Variants in ANKRD26 observed in about 807,000 individuals in gnomAD.
ANKRD26 encodes ankyrin repeat domain-containing protein 26.
ANKRD26 carries 141 observed loss-of-function variants against 208.7 expected under a neutral mutation model. The ratio of observed to expected loss-of-function variants is 0.68; its 90% CI spans 0.59 to 0.78. The LOEUF (loss-of-function observed/expected upper bound fraction) is 0.78, where lower values mean the gene tolerates loss of function less well. Among genes scored for constraint, ANKRD26 ranks in the 30% least tolerant of loss-of-function variants. The probability of loss-of-function intolerance (pLI) is 0.00; values close to 1 mark genes in which losing one functional copy is unlikely to be tolerated. For missense variants in ANKRD26, 1,889 were observed against 1,938.7 expected, an observed-to-expected ratio of 0.97 and a Z score of 0.48; for synonymous variants, 636 against 660.4, an observed-to-expected ratio of 0.96 and a Z score of 0.57.
At chr10:27,010,741 C>G (rs1481313357) in intron 32 of ANKRD26, among the ~76,000 whole-genome samples, 1 of 152,138 alleles carries the variant, frequency 6.6e-6, no homozygotes, top group Non-Finnish European at 1.5e-5. Context: ...CTCCTGAGCT[C>G]AGGTGATCTT....
At position 27,050,870 on chromosome 10, in the gene ANKRD26, G is replaced by A. The variant is rs534164674; in HGVS notation, c.1636-1891C>T. On this transcript the variant is annotated intron_variant, in intron 16 of 33. Transcript: ENST00000376087. Reference sequence around the variant, plus strand: ...TGATAGACTTCTTAGGTTGATTAAGGAACAAAGATTTTGAGAATGTTTTCC... The same window carrying A: ...TGATAGACTTCTTAGGTTGATTAAGAAACAAAGATTTTGAGAATGTTTTCC... Among the ~76,000 whole-genome samples the A allele has an allele frequency of 7.9e-5, 12 of 152,202 alleles. No individual in the cohort carries two copies. In the East Asian group the frequency reaches 2.1e-3, roughly 27 times the overall value.
In ANKRD26 at chr10:27,008,009, A is replaced by G. The variant is rs374310725; in HGVS notation, c.4954-1047T>C. ...TGTAATTTTGATTTCAGAAATTAGT[A>G]CCAATTTTTTAAATATCTAATTATA... On this transcript the variant is annotated intron_variant, in intron 32 of 33. Transcript: ENST00000376087. Among the ~76,000 whole-genome samples the G allele has an allele frequency of 8.6e-5, 13 of 152,020 alleles. No homozygotes were observed. The East Asian group carries it at 1.9e-3, about 22-fold the overall frequency.
In ANKRD26 at chr10:27,016,760, A is replaced by C. The variant is rs190756390; in HGVS notation, c.4506+742T>G. ...CAAACTGTTAAAATGGTTGTGTTTA[A>C]TTATTTGTAAATTATCCCTTAATAA... On this transcript the variant is annotated intron_variant, in intron 30 of 33. Coordinates refer to ENST00000376087, the MANE Select transcript of ANKRD26 (RefSeq NM_014915.3). 2.9e-3 allele frequency among the ~76,000 whole-genome samples: 437 copies of C among 152,204 alleles called. 2 individuals carry two copies. Among genetic ancestry groups the C allele is most frequent in the African/African-American group, 9.8e-3 (405 of 41,520 alleles).
At chr10:26,977,934 AAAC>A (rs976743528) in intron 5 of ANKRD26, among the ~76,000 whole-genome samples, 12 of 152,102 alleles carry the variant, frequency 7.9e-5, no homozygotes, top group Non-Finnish European at 1.2e-4. Context: ...AAAACAAAAC[AAAC>A]AACAACAACA....
chr10:27,063,037 C>T (rs1048906968), intron 12 of ANKRD26, among the ~76,000 whole-genome samples: 1 of 152,078 alleles, frequency 6.6e-6, no homozygotes, highest in Non-Finnish European at 1.5e-5. Flanking sequence ...GGATTACAGG[C>T]GTGAGCCACC....
chr10:27,037,254 C>A lies in ANKRD26; in HGVS notation c.2629G>T (p.Gly877Ter). The A allele has an allele frequency of 6.2e-7, 1 of 1,613,746 alleles. No individual in the cohort carries two copies. Among genetic ancestry groups the A allele is most frequent in the Non-Finnish European group, 8.5e-7 (1 of 1,179,784 alleles). The part of the protein sequence containing the change: ...REQNARMLQD[G>*]ILTNHLSKQK... Reference sequence around the variant, plus strand: ...TTGGAAAGGTGATTGGTCAGAATTCCATCTTGTAACATTCTGGCATTCTGT... The same window carrying A: ...TTGGAAAGGTGATTGGTCAGAATTCAATCTTGTAACATTCTGGCATTCTGT... The change falls in exon 23 of 34, where the codon GGA (glycine) becomes TGA (stop). Residue 877 changes from glycine to a stop codon, truncating the protein, a stop_gained. Coordinates refer to ENST00000376087, the MANE Select transcript of ANKRD26 (RefSeq NM_014915.3). LOFTEE classifies it high-confidence loss of function.
intron 5 of ANKRD26, among the ~76,000 whole-genome samples, chr10:26,994,678 G>A (rs2052552082): frequency 6.6e-6 from 1 of 152,222 alleles, no homozygotes; most frequent in African/African-American, 2.4e-5. Flanking sequence ...CCAATTTAGA[G>A]TGACCTGGGA....
chr10:27,057,094 T>C lies in ANKRD26; in HGVS notation c.1564+3251A>G, dbSNP rs57474151. Among the ~76,000 whole-genome samples the C allele has an allele frequency of 3.1e-3, 471 of 152,340 alleles. 4 individuals carry two copies. The highest frequency in any genetic ancestry group is 0.011 in the African/African-American group (446 of 41,576). On this transcript the variant is annotated intron_variant, in intron 15 of 33. Transcript: ENST00000376087. ...CAAGTCTTATTACTGAGGGTCAAAC[T>C]AGTAGAGTCCCAATCTGAAAACTCT...
rs934935005 is a variant in ANKRD26 at position 27,017,745 on chromosome 10, T to C, written c.4263A>G (p.Leu1421=). Residue 1421 remains leucine, a synonymous_variant, in exon 30 of 34, where the codon CTA becomes CTG. Coordinates refer to ENST00000376087, the MANE Select transcript of ANKRD26 (RefSeq NM_014915.3). Reference sequence around the variant, plus strand: ...GAATTTGGTTCTTTGTATCCAGATGTAGACATTTTGAACCTGCAGTCTCCA... The same window carrying C: ...GAATTTGGTTCTTTGTATCCAGATGCAGACATTTTGAACCTGCAGTCTCCA... ...AELETAGSKC[L]HLDTKNQILQ... is the part of the protein sequence containing the mutation. 6.2e-7 allele frequency: 1 copy of C among 1,613,302 alleles called. No homozygotes were observed. Among genetic ancestry groups the C allele is most frequent in the South Asian group, 1.1e-5 (1 of 90,976 alleles).
At chr10:26,952,793 T>C in the ANKRD26 span, among the ~76,000 whole-genome samples, 1 of 152,230 alleles carries the variant, frequency 6.6e-6, no homozygotes, top group Non-Finnish European at 1.5e-5. Context: ...AGTAGTTCTT[T>C]TGACCCAACT....
chr10:27,078,811 A>G (rs1386938704), intron 7 of ANKRD26, among the ~76,000 whole-genome samples: 2 of 151,934 alleles, frequency 1.3e-5, no homozygotes, highest in South Asian at 2.1e-4. Context: ...AACTTTTCCC[A>G]ATATAATTTT....
intron 5 of ANKRD26, among the ~76,000 whole-genome samples, chr10:27,083,865 T>C (rs1252800027): frequency 6.6e-6 from 1 of 152,214 alleles, no homozygotes; most frequent in Non-Finnish European, 1.5e-5. Context: ...ACTTACATAT[T>C]ATTTATGACT....
chr10:26,972,188 T>C (rs1036783466), downstream of ANKRD26, among the ~76,000 whole-genome samples: 5 of 147,774 alleles, frequency 3.4e-5, no homozygotes, highest in African/African-American at 7.6e-5. Flanking sequence ...TGAGCCGAGA[T>C]CGTGCCACTG....
the ANKRD26 span, among the ~76,000 whole-genome samples, chr10:26,955,723 G>A: frequency 6.6e-6 from 1 of 152,100 alleles, no homozygotes; most frequent in Non-Finnish European, 1.5e-5. Flanking sequence ...GTTTCTTGAA[G>A]AACCATACAC....
intron 27 of ANKRD26, among the ~76,000 whole-genome samples, chr10:27,028,086 TATA>T (rs1379486840): frequency 2.0e-5 from 3 of 152,194 alleles, no homozygotes; most frequent in Non-Finnish European, 4.4e-5. Context: ...AATTTCACCT[TATA>T]ATATTTTCAA....
intron 16 of ANKRD26, chr10:27,051,498 G>A: frequency 1.9e-6 from 2 of 1,041,726 alleles, no homozygotes; most frequent in Non-Finnish European, 2.3e-6. Flanking sequence ...CATTACACCT[G>A]TAACTACTTC....
chr10:26,980,656 A>G (rs2052293646), exon 5 of ANKRD26, among the ~76,000 whole-genome samples: 1 of 152,132 alleles, frequency 6.6e-6, no homozygotes, highest in Admixed American at 6.5e-5. Context: ...TTCCAGATGA[A>G]AGGCTGCCAG....
chr10:27,062,004 CA>C, intron 12 of ANKRD26: 1 of 985,216 alleles, frequency 1.0e-6, no homozygotes, highest in Non-Finnish European at 1.2e-6. Flanking sequence ...AGTGTAAATG[CA>C]ATGAATCCAT....
chr10:27,035,626 ATTTCT>A lies in ANKRD26; in HGVS notation c.2819_2823del (p.Lys940MetfsTer3), dbSNP rs757222531. The A allele has an allele frequency of 4.4e-6, 7 of 1,592,406 alleles. No homozygotes were observed. In the South Asian group the frequency reaches 5.8e-5, roughly 13 times the overall value. On this transcript the variant is annotated frameshift_variant, in exon 24 of 34. Coordinates refer to ENST00000376087, the MANE Select transcript of ANKRD26 (RefSeq NM_014915.3). LOFTEE classifies it high-confidence loss of function. The stretch of plus-strand genomic sequence containing the variant: ...TTTACAATTTTAAGGTCCTCAAAAC[ATTTCT>A]TTTCTTTTTCCTGGTTTTGATTTTT...
Sources: gnomAD v4.1 joint callset for allele counts (sites outside exome capture counted in the v4.1 genomes callset) on GRCh38, gnomAD v4.1.1 for gene constraint, MANE v1.5 for transcripts, NCBI Gene and HGNC (gene_info 2026-07-23, HGNC 2026-07-21) for gene names.